Variants in WFDC1 observed in about 807,000 individuals in gnomAD.
WFDC1 encodes the protein WAP four-disulfide core domain 1, also known as WAP four-disulfide core domain protein 1.
In WFDC1, 39 loss-of-function variants were observed where a neutral mutation model predicts 32.9. The observed-to-expected ratio is 1.19, with a 90% CI of 0.92 to 1.55. The LOEUF is 1.55. Ranked by LOEUF, WFDC1 falls within the 40% of genes most tolerant of loss-of-function variation. The pLI is 0.00. For missense variants in WFDC1, 386 were observed against 309.5 expected, an observed-to-expected ratio of 1.25 and a Z score of -1.85; for synonymous variants, 184 against 137.4, an observed-to-expected ratio of 1.34 and a Z score of -2.37.
intron 6 of WFDC1, chr16:84,327,683 C>G (rs1021184935): frequency 6.6e-6 from 1 of 152,206 alleles, no homozygotes; most frequent in Non-Finnish European, 1.5e-5. Flanking sequence ...TTCTGTATCC[C>G]TCTGAATCAA....
intron 1 of WFDC1, among the ~76,000 whole-genome samples, chr16:84,297,964 C>G (rs968261092): frequency 9.9e-5 from 15 of 152,166 alleles, no homozygotes; most frequent in Non-Finnish European, 1.8e-4. Context: ...AGACCTTCAG[C>G]CTTGGCCCTG....
chr16:84,313,178 G>A, intron 2 of WFDC1, 25 bp downstream of exon 2: 1 of 1,399,290 alleles, frequency 7.1e-7, no homozygotes, highest in Non-Finnish European at 9.2e-7. Flanking sequence ...CGAGGGAGGG[G>A]GCTGAGGGAG....
chr16:84,309,249 C>G (rs1487467536), intron 1 of WFDC1, among the ~76,000 whole-genome samples: 1 of 152,022 alleles, frequency 6.6e-6, no homozygotes, highest in Non-Finnish European at 1.5e-5. Flanking sequence ...GCCAATGTAT[C>G]CTATATCTAA....
intron 1 of WFDC1, among the ~76,000 whole-genome samples, chr16:84,299,347 A>C (rs1328916447): frequency 6.6e-6 from 1 of 152,028 alleles, no homozygotes; most frequent in East Asian, 1.9e-4. Context: ...CCTGGGCAAG[A>C]AGAGCGCAAC....
chr16:84,305,336 C>T (rs886797674), intron 1 of WFDC1, among the ~76,000 whole-genome samples: 3 of 152,188 alleles, frequency 2.0e-5, no homozygotes, highest in African/African-American at 4.8e-5. Flanking sequence ...GGGCTGGAGG[C>T]GACTTCAGGT....
chr16:84,302,338 T>C (rs1381240501), intron 1 of WFDC1, among the ~76,000 whole-genome samples: 1 of 152,140 alleles, frequency 6.6e-6, no homozygotes, highest in Non-Finnish European at 1.5e-5. Context: ...CTCGCACACT[T>C]AAGATGGCTG....
chr16:84,328,260 G>C (rs992496494), intron 6 of WFDC1: 3 of 152,450 alleles, frequency 2.0e-5, no homozygotes, highest in Non-Finnish European at 4.4e-5. Flanking sequence ...AGAGGAGGCC[G>C]CAGGTGAGGC....
intron 2 of WFDC1, chr16:84,316,109 A>G (rs1317849577): frequency 6.6e-6 from 1 of 152,266 alleles, no homozygotes; most frequent in East Asian, 1.9e-4. Flanking sequence ...ATGTTTCCTA[A>G]CACGTGGTCT....
At position 84,329,730 on chromosome 16, in the gene WFDC1, G is replaced by A. The variant is rs1415465749; in HGVS notation, c.*424G>A. ...AAGATAAATTCATCCTTCAGGAAAT[G>A]GAAATGAACTTGCTTACTAATGTGT... is the stretch of plus-strand genomic sequence containing the variant. On this transcript the variant is annotated 3_prime_UTR_variant, in exon 7 of 7. Coordinates refer to ENST00000219454, the MANE Select transcript of WFDC1 (RefSeq NM_021197.4). 1.3e-5 allele frequency: 2 copies of A among 152,300 alleles called. No individual in the cohort carries two copies. Among genetic ancestry groups the A allele is most frequent in the Middle Eastern group, 3.4e-3 (1 of 294 alleles). 9.4% of individuals were successfully genotyped at this position (152,300 alleles called of 1,614,324 possible). A position where few individuals can be genotyped will look rare whatever the true frequency, so the allele number is the denominator to read the frequency against.
At chr16:84,324,322 G>C (rs541528274) in intron 4 of WFDC1, 97 bp from the exon 5 acceptor site, 316 of 1,138,334 alleles carry the variant, frequency 2.8e-4, no homozygotes, top group Non-Finnish European at 2.5e-4. Context: ...GAGATGGGGA[G>C]ACTGAAAAAC....
intron 5 of WFDC1, among the ~76,000 whole-genome samples, chr16:84,325,206 C>CT (rs112261493): frequency 0.053 from 7,233 of 136,390 alleles, 237 homozygotes; most frequent in Admixed American, 0.091. Context: ...ACCCATCTAC[C>CT]TTTTTTTTTT....
chr16:84,321,468 G>T (rs187831767), intron 4 of WFDC1, among the ~76,000 whole-genome samples: 1 of 152,196 alleles, frequency 6.6e-6, no homozygotes, highest in African/African-American at 2.4e-5. Flanking sequence ...CGAGTTGTGA[G>T]TTCGTTGGGC....
At chr16:84,313,231 G>A (rs1331832513) in intron 2 of WFDC1, 78 bp downstream of exon 2, 5 of 1,295,752 alleles carry the variant, frequency 3.9e-6, no homozygotes, top group Non-Finnish European at 4.9e-6. Context: ...GGGAAGAAAG[G>A]AGCTGGGCTT....
intron 2 of WFDC1, among the ~76,000 whole-genome samples, 160 bp downstream of exon 2, chr16:84,313,313 A>C (rs1907758193): frequency 1.3e-5 from 2 of 152,152 alleles, no homozygotes; most frequent in South Asian, 4.1e-4. Context: ...GCGCTCCTTG[A>C]GCAGGCGTGG....
At chr16:84,308,970 C>T (rs1907446763) in intron 1 of WFDC1, among the ~76,000 whole-genome samples, 1 of 152,140 alleles carries the variant, frequency 6.6e-6, no homozygotes, top group Non-Finnish European at 1.5e-5. Context: ...CAGGATACCC[C>T]AGGAGGGAAG....
intron 2 of WFDC1, among the ~76,000 whole-genome samples, chr16:84,315,857 G>C (rs569953666): frequency 1.1e-4 from 16 of 152,338 alleles, no homozygotes; most frequent in East Asian, 5.8e-4. Context: ...AGCAGACCCA[G>C]AGACAAGGAC....
chr16:84,296,776 C>G (rs549489720), intron 1 of WFDC1: 1 of 152,332 alleles, frequency 6.6e-6, no homozygotes, highest in South Asian at 2.1e-4. Flanking sequence ...GAGACCTTGA[C>G]TGGATCTTGG....
chr16:84,299,357 C>T lies in WFDC1; in HGVS notation c.144+4242C>T, dbSNP rs541347741. On this transcript the variant is annotated intron_variant, in intron 1 of 6. Transcript: ENST00000219454. ...TCCAGCCTGGGCAAGAAGAGCGCAA[C>T]TCCATCTCAAAAAACAAAAAACAAA... is the stretch of plus-strand genomic sequence containing the variant. 4.0e-5 allele frequency among the ~76,000 whole-genome samples: 6 copies of T among 151,120 alleles called. No individual in the cohort carries two copies. The East Asian group carries it at 1.2e-3, about 29-fold the overall frequency.
At chr16:84,308,945 T>G (rs55891529) in intron 1 of WFDC1, among the ~76,000 whole-genome samples, 6,963 of 152,142 alleles carry the variant, frequency 0.046, 468 homozygotes, top group African/African-American at 0.15. Context: ...GTAGACACCA[T>G]CCTGGGTGCA....
Sources: gnomAD v4.1 joint callset for allele counts (sites outside exome capture counted in the v4.1 genomes callset) on GRCh38, gnomAD v4.1.1 for gene constraint, MANE v1.5 for transcripts, NCBI Gene and HGNC (gene_info 2026-07-23, HGNC 2026-07-21) for gene names.